The following ZNF804B variants were observed in gnomAD, a reference collection of about 807,000 sequenced individuals.
ZNF804B encodes zinc finger 804B.
In ZNF804B, 80 loss-of-function variants were observed where a neutral mutation model predicts 101.4. That is an observed-to-expected ratio of 0.79 (90% CI 0.66 to 0.95). ZNF804B has a LOEUF of 0.95. ZNF804B is among the 40% of genes least tolerant of loss of function. The pLI is 0.00. For synonymous variants in ZNF804B, 622 were observed against 558.8 expected, an observed-to-expected ratio of 1.11 and a Z score of -1.59; for missense variants, 1,673 against 1,561.9, an observed-to-expected ratio of 1.07 and a Z score of -1.20.
intron 1 of ZNF804B, among the ~76,000 whole-genome samples, chr7:88,816,907 C>T (rs1257210810): frequency 1.3e-5 from 2 of 148,316 alleles, no homozygotes; most frequent in African/African-American, 5.1e-5. Flanking sequence ...GATTATAAAT[C>T]ATGCTGCTAT....
intron 1 of ZNF804B, among the ~76,000 whole-genome samples, chr7:89,116,270 G>C (rs533684071): frequency 2.9e-4 from 44 of 152,096 alleles, no homozygotes; most frequent in African/African-American, 8.9e-4. Flanking sequence ...CTTGAATAAG[G>C]TATTTGTGAT....
intron 1 of ZNF804B, among the ~76,000 whole-genome samples, chr7:89,000,421 TTTAC>T (rs1788266080): frequency 6.6e-6 from 1 of 151,958 alleles, no homozygotes; most frequent in Non-Finnish European, 1.5e-5. Context: ...ACATCAGGTG[TTTAC>T]TTATTCATTT....
At chr7:88,961,741 A>G (rs1389188570) in intron 1 of ZNF804B, among the ~76,000 whole-genome samples, 1 of 151,360 alleles carries the variant, frequency 6.6e-6, no homozygotes, top group Non-Finnish European at 1.5e-5. Context: ...GACACAAACT[A>G]TATCACCAAA....
intron 1 of ZNF804B, among the ~76,000 whole-genome samples, chr7:88,802,817 AG>A (rs1347185864): frequency 6.6e-6 from 1 of 152,106 alleles, no homozygotes; most frequent in Non-Finnish European, 1.5e-5. Flanking sequence ...TATCAAGTGC[AG>A]AATTTCATAG....
intron 2 of ZNF804B, among the ~76,000 whole-genome samples, chr7:89,276,174 G>A (rs970254928): frequency 6.6e-6 from 1 of 151,930 alleles, no homozygotes; most frequent in East Asian, 1.9e-4. Context: ...TGTGGCAAGG[G>A]TGTGAGGGTA....
intron 2 of ZNF804B, among the ~76,000 whole-genome samples, chr7:89,302,183 T>C (rs920372899): frequency 6.6e-6 from 1 of 151,904 alleles, no homozygotes; most frequent in Non-Finnish European, 1.5e-5. Context: ...AGATTGTGTG[T>C]ATACCAAATA....
intron 1 of ZNF804B, among the ~76,000 whole-genome samples, chr7:88,838,163 T>G (rs1391692455): frequency 6.6e-6 from 1 of 151,856 alleles, no homozygotes; most frequent in African/African-American, 2.4e-5. Flanking sequence ...TATTCAAGTA[T>G]GTATCACATG....
intron 1 of ZNF804B, among the ~76,000 whole-genome samples, chr7:88,869,767 C>T (rs1190019552): frequency 1.3e-5 from 2 of 151,972 alleles, no homozygotes; most frequent in Non-Finnish European, 2.9e-5. Context: ...GGTAGACTTG[C>T]AAGTATTACT....
chr7:88,882,382 G>T (rs1175219044), intron 1 of ZNF804B, among the ~76,000 whole-genome samples: 1 of 152,120 alleles, frequency 6.6e-6, no homozygotes, highest in African/African-American at 2.4e-5. Context: ...ACAGTTATTG[G>T]TGAGGCTGCA....
intron 1 of ZNF804B, among the ~76,000 whole-genome samples, chr7:88,895,833 A>G (rs1481697340): frequency 6.6e-6 from 1 of 152,214 alleles, no homozygotes; most frequent in Non-Finnish European, 1.5e-5. Flanking sequence ...GTGTAAAATA[A>G]ATATCTATGA....
At chr7:89,250,754 G>A (rs1315090999) in intron 2 of ZNF804B, among the ~76,000 whole-genome samples, 1 of 152,144 alleles carries the variant, frequency 6.6e-6, no homozygotes. Context: ...TGATCAAATA[G>A]GCTTCATTCC....
At chr7:88,902,708 T>C (rs1380220762) in intron 1 of ZNF804B, among the ~76,000 whole-genome samples, 1 of 152,030 alleles carries the variant, frequency 6.6e-6, no homozygotes, top group East Asian at 1.9e-4. Context: ...ATTCTGAAAG[T>C]AAATATATTT....
At chr7:89,230,577 T>C (rs897157861) in intron 2 of ZNF804B, among the ~76,000 whole-genome samples, 1 of 152,006 alleles carries the variant, frequency 6.6e-6, no homozygotes, top group Non-Finnish European at 1.5e-5. Context: ...AGAGAATAGA[T>C]CAATAGATCA....
chr7:89,160,667 A>G (rs1008595657), intron 1 of ZNF804B, among the ~76,000 whole-genome samples: 4 of 152,192 alleles, frequency 2.6e-5, no homozygotes, highest in Non-Finnish European at 5.9e-5. Context: ...GACATTTATC[A>G]TAGGTTTAAA....
intron 2 of ZNF804B, among the ~76,000 whole-genome samples, chr7:89,267,896 T>C (rs996753570): frequency 1.3e-5 from 2 of 152,130 alleles, no homozygotes; most frequent in African/African-American, 4.8e-5. Context: ...GGTTTCTGTA[T>C]GTCTGGTGAT....
intron 1 of ZNF804B, among the ~76,000 whole-genome samples, chr7:88,937,389 T>C (rs1016411152): frequency 1.3e-5 from 2 of 152,108 alleles, no homozygotes; most frequent in Admixed American, 6.6e-5. Context: ...GCTTATTCTT[T>C]GCTCTGAATA....
At chr7:88,884,748 T>C (rs973372393) in intron 1 of ZNF804B, among the ~76,000 whole-genome samples, 1 of 149,794 alleles carries the variant, frequency 6.7e-6, no homozygotes, top group African/African-American at 2.4e-5. Context: ...TTTCATGCTC[T>C]TTTGTCTTAA....
chr7:89,317,331 A>G lies in ZNF804B; in HGVS notation c.250-10013A>G, dbSNP rs182487143. Among the ~76,000 whole-genome samples the G allele has an allele frequency of 4.8e-3, 733 of 152,346 alleles. 15 individuals are homozygous for G. The highest frequency in any genetic ancestry group is 0.037 in the Admixed American group (560 of 15,306). Reference sequence around the variant, plus strand: ...GGGGTGGAAAACATGCACATGGTGTAAAGTCTGCAATGACTAGGAAGAAGT... The same window carrying G: ...GGGGTGGAAAACATGCACATGGTGTGAAGTCTGCAATGACTAGGAAGAAGT... On this transcript the variant is annotated intron_variant, in intron 2 of 3. Transcript: ENST00000333190.
At chr7:88,877,544 G>C (rs997488559) in intron 1 of ZNF804B, among the ~76,000 whole-genome samples, 4 of 152,040 alleles carry the variant, frequency 2.6e-5, no homozygotes, top group African/African-American at 9.7e-5. Flanking sequence ...ATCTCTTTGG[G>C]ACTTAGAAGT....
Sources: gnomAD v4.1 joint callset for allele counts (sites outside exome capture counted in the v4.1 genomes callset) on GRCh38, gnomAD v4.1.1 for gene constraint, MANE v1.5 for transcripts, NCBI Gene and HGNC (gene_info 2026-07-23, HGNC 2026-07-21) for gene names.